The following SLC38A1 variants were observed in gnomAD, a reference collection of about 807,000 sequenced individuals.
The protein encoded by SLC38A1 is sodium-coupled neutral amino acid symporter 1.
In SLC38A1, 18 loss-of-function variants were observed where a neutral mutation model predicts 60.3. That is an observed-to-expected ratio of 0.30 (90% CI 0.21 to 0.44). SLC38A1 has a LOEUF of 0.44. SLC38A1 is among the 20% of genes least tolerant of loss of function. SLC38A1 has a pLI of 1.00. For synonymous variants in SLC38A1, 196 were observed against 212.1 expected, an observed-to-expected ratio of 0.92 and a Z score of 0.66; for missense variants, 448 against 587.2, an observed-to-expected ratio of 0.76 and a Z score of 2.45.
At chr12:46,203,113 A>G in intron 11 of SLC38A1, 24 bp from the exon 12 acceptor site, 1 of 1,588,004 alleles carries the variant, frequency 6.3e-7, no homozygotes, top group Non-Finnish European at 8.6e-7. Flanking sequence ...AAGAATAGAC[A>G]TTAGGAAAAA....
rs530649671 is a variant in SLC38A1 at position 46,219,951 on chromosome 12, G to GCA, written c.314+9200_314+9201dup. On this transcript the variant is annotated intron_variant, in intron 5 of 16. Transcript: ENST00000398637. The stretch of plus-strand genomic sequence containing the variant: ...GGTATACACTCTAGCGCATGTGCGC[G>GCA]CACACACACACGCACACACACCCCT... 2.0e-4 allele frequency among the ~76,000 whole-genome samples: 30 copies of GCA among 152,254 alleles called. No homozygotes were observed. In the South Asian group the frequency reaches 4.1e-3, roughly 21 times the overall value.
chr12:46,222,517 C>G (rs1249341385), intron 5 of SLC38A1, among the ~76,000 whole-genome samples: 2 of 152,122 alleles, frequency 1.3e-5, no homozygotes, highest in Admixed American at 6.5e-5. Flanking sequence ...TAACATAGTG[C>G]TACACACTAT....
At chr12:46,220,974 A>G (rs1940635587) in intron 5 of SLC38A1, among the ~76,000 whole-genome samples, 1 of 152,144 alleles carries the variant, frequency 6.6e-6, no homozygotes, top group Non-Finnish European at 1.5e-5. Context: ...TTCTATTTCT[A>G]TTTACTCCTT....
intron 14 of SLC38A1, 57 bp downstream of exon 14, chr12:46,198,568 G>T: frequency 8.2e-7 from 1 of 1,213,006 alleles, no homozygotes; most frequent in Non-Finnish European, 1.2e-6. Flanking sequence ...GCTCCTGCAG[G>T]CAGAAGGAAA....
At chr12:46,196,847 A>G (rs1042320012) in intron 16 of SLC38A1, among the ~76,000 whole-genome samples, 1 of 152,214 alleles carries the variant, frequency 6.6e-6, no homozygotes, top group African/African-American at 2.4e-5. Context: ...CACCACGTTC[A>G]AGATGCCCTT....
At chr12:46,229,324 C>A in intron 4 of SLC38A1, 56 bp from the exon 5 acceptor site, 1 of 1,252,744 alleles carries the variant, frequency 8.0e-7, no homozygotes, top group South Asian at 1.3e-5. Flanking sequence ...GAAAGTTCAT[C>A]AAGCCAAAGC....
chr12:46,200,406 T>C (rs1331662970), intron 13 of SLC38A1, among the ~76,000 whole-genome samples: 1 of 151,702 alleles, frequency 6.6e-6, no homozygotes, highest in Admixed American at 6.6e-5. Flanking sequence ...TATATACACA[T>C]ATATATAGAC....
chr12:46,255,779 A>T (rs745636419), intron 1 of SLC38A1, among the ~76,000 whole-genome samples: 1 of 152,236 alleles, frequency 6.6e-6, no homozygotes, highest in African/African-American at 2.4e-5. Flanking sequence ...TTTCCAGCAT[A>T]GCTACGGGGT....
chr12:46,205,317 C>T (rs1269148869), intron 9 of SLC38A1, among the ~76,000 whole-genome samples: 1 of 152,004 alleles, frequency 6.6e-6, no homozygotes, highest in East Asian at 1.9e-4. Context: ...ATTTATAAAC[C>T]TCACAGAACA....
chr12:46,210,699 T>G (rs539983947), intron 5 of SLC38A1, among the ~76,000 whole-genome samples: 1 of 148,408 alleles, frequency 6.7e-6, no homozygotes, highest in Non-Finnish European at 1.5e-5. Context: ...GATCTGATGG[T>G]TTTTTTATAA....
intron 5 of SLC38A1, among the ~76,000 whole-genome samples, chr12:46,219,789 C>A (rs1374497532): frequency 1.3e-5 from 2 of 152,190 alleles, no homozygotes; most frequent in Non-Finnish European, 2.9e-5. Context: ...TGCTGTAAAA[C>A]CATAGCCAGT....
intron 3 of SLC38A1, 46 bp from the exon 4 acceptor site, chr12:46,229,685 A>G (rs1940997263): frequency 6.8e-7 from 1 of 1,477,750 alleles, no homozygotes; most frequent in Non-Finnish European, 9.4e-7. Context: ...TAATGATTTG[A>G]AGCTTGACAT....
intron 11 of SLC38A1, among the ~76,000 whole-genome samples, chr12:46,203,304 G>C (rs746797747): frequency 1.3e-5 from 2 of 152,094 alleles, no homozygotes; most frequent in African/African-American, 4.8e-5. Context: ...GAGGGACTTC[G>C]GATTTGGCTC....
chr12:46,212,619 T>C (rs558311036), intron 5 of SLC38A1, among the ~76,000 whole-genome samples: 153 of 152,276 alleles, frequency 1.0e-3, no homozygotes, highest in Admixed American at 1.7e-3. Context: ...AGCAACATTA[T>C]GAAAGATGTG....
intron 1 of SLC38A1, among the ~76,000 whole-genome samples, chr12:46,246,920 A>G (rs534316032): frequency 3.5e-4 from 53 of 152,344 alleles, no homozygotes; most frequent in Admixed American, 1.2e-3. Context: ...GCAAATTCCA[A>G]CAGACCTGCA....
At position 46,239,887 on chromosome 12, in the gene SLC38A1, G is replaced by T; in HGVS notation, c.-87C>A. 1 of 1,316,862 alleles carries T rather than the reference G, an allele frequency of 7.6e-7. No individual in the cohort carries two copies. Among genetic ancestry groups the T allele is most frequent in the South Asian group, 1.2e-5 (1 of 80,860 alleles). 81.6% of individuals were successfully genotyped at this position (1,316,862 alleles called of 1,614,324 possible). A position where few individuals can be genotyped will look rare whatever the true frequency, so the allele number is the denominator to read the frequency against. On this transcript the variant is annotated 5_prime_UTR_variant, in exon 3 of 17. Transcript: ENST00000398637. ...GAAGTAGATACCAAAATGGAAGCTT[G>T]ACACCCCTAAAATATAGCAAAATAA...
chr12:46,200,929 G>A (rs1033881484), intron 13 of SLC38A1, among the ~76,000 whole-genome samples, 169 bp downstream of exon 13: 1 of 152,172 alleles, frequency 6.6e-6, no homozygotes, highest in East Asian at 1.9e-4. Context: ...TCGGCAGTCT[G>A]CATGAACATG....
intron 6 of SLC38A1, among the ~76,000 whole-genome samples, chr12:46,208,183 C>T (rs1165193765): frequency 6.6e-6 from 1 of 152,202 alleles, no homozygotes; most frequent in Non-Finnish European, 1.5e-5. Context: ...ACATGCAACT[C>T]ACAAAAGAGA....
chr12:46,246,237 A>T (rs868083554), intron 1 of SLC38A1, among the ~76,000 whole-genome samples: 11 of 152,296 alleles, frequency 7.2e-5, no homozygotes, highest in Middle Eastern at 3.4e-3. Flanking sequence ...GGGTCTGGGA[A>T]TTTCCCTCGT....
Sources: gnomAD v4.1 joint callset for allele counts (sites outside exome capture counted in the v4.1 genomes callset) on GRCh38, gnomAD v4.1.1 for gene constraint, MANE v1.5 for transcripts, NCBI Gene and HGNC (gene_info 2026-07-23, HGNC 2026-07-21) for gene names.